The following CASK variants were observed in gnomAD, a reference collection of about 807,000 sequenced individuals.
CASK encodes the protein peripheral plasma membrane protein CASK.
Under a neutral mutation model 82.9 loss-of-function variants are expected in CASK, and 4 were observed. That is an observed-to-expected ratio of 0.05 (90% CI 0.02 to 0.11). CASK has a LOEUF of 0.11. Among genes scored for constraint, CASK ranks in the 10% least tolerant of loss-of-function variants. CASK has a pLI of 1.00. For missense variants in CASK, 358 were observed against 720.9 expected (o/e 0.50, Z 5.76); for synonymous variants, 259 against 253.5 (o/e 1.02, Z -0.20).
intron 3 of CASK, among the ~76,000 whole-genome samples, chrX:41,768,920 T>C (rs2069163461): frequency 8.9e-6 from 1 of 112,326 alleles, no homozygotes; most frequent in South Asian, 3.6e-4. Context: ...GTAAATTTAC[T>C]TTTAAAATAT....
intron 2 of CASK, among the ~76,000 whole-genome samples, chrX:41,807,993 T>C (rs2070165133): frequency 1.8e-5 from 2 of 111,446 alleles, no homozygotes. Flanking sequence ...GTAGCTGGGA[T>C]TACAGGTGTC....
At chrX:41,725,306 C>A (rs2068241099) in intron 5 of CASK, among the ~76,000 whole-genome samples, 1 of 111,241 alleles carries the variant, frequency 9.0e-6, no homozygotes, top group Non-Finnish European at 1.9e-5. Context: ...AAAAAAACCC[C>A]AATTTCTGTA....
chrX:41,645,932 A>C (rs1186025898), intron 8 of CASK, among the ~76,000 whole-genome samples: 2 of 108,829 alleles, frequency 1.8e-5, no homozygotes, highest in African/African-American at 3.4e-5. Flanking sequence ...CTCCTGCAGA[A>C]ATCTACACTA....
At chrX:41,589,923 C>T in intron 12 of CASK, 1 of 228,484 alleles carries the variant, frequency 4.4e-6, no homozygotes, top group Non-Finnish European at 8.0e-6. Context: ...AGCATGAATA[C>T]AGAGTAAAAT....
chrX:41,806,241 A>G lies in CASK; in HGVS notation c.173-18958T>C, dbSNP rs1471646755. On this transcript the variant is annotated intron_variant, in intron 2 of 26. Coordinates refer to ENST00000378163, the MANE Select transcript of CASK (RefSeq NM_001367721.1). ...CTAAAATTAATAGCAAGTATTTAGA[A>G]ATAGCATACATTCATATGATGTACT... Among the ~76,000 whole-genome samples, 7 of 112,127 alleles carry G rather than the reference A, an allele frequency of 6.2e-5. No homozygotes were observed. In the East Asian group the frequency reaches 1.9e-3, roughly 31 times the overall value.
intron 17 of CASK, among the ~76,000 whole-genome samples, chrX:41,561,299 G>T (rs2065225225): frequency 9.1e-6 from 1 of 110,468 alleles, no homozygotes; most frequent in Non-Finnish European, 1.9e-5. Context: ...TCATCTGCTT[G>T]GTAAGAAACA....
At chrX:41,718,136 G>A (rs1324987749) in intron 5 of CASK, among the ~76,000 whole-genome samples, 1 of 112,780 alleles carries the variant, frequency 8.9e-6, no homozygotes, top group Non-Finnish European at 1.9e-5. Context: ...AAAATGACAG[G>A]GTTCAAGGAG....
chrX:41,885,461 AAAC>A (rs1408150760), intron 1 of CASK, among the ~76,000 whole-genome samples: 1 of 112,197 alleles, frequency 8.9e-6, no homozygotes, highest in Non-Finnish European at 1.9e-5. Flanking sequence ...TTTTCACAAA[AAAC>A]CTGTTTTTTT....
intron 9 of CASK, among the ~76,000 whole-genome samples, chrX:41,632,338 G>A (rs1209369018): frequency 9.0e-6 from 1 of 111,363 alleles, no homozygotes; most frequent in Admixed American, 9.6e-5. Flanking sequence ...AAAGAAAATT[G>A]CCAAAAAATA....
chrX:41,789,881 C>A (rs1234603728), intron 2 of CASK, among the ~76,000 whole-genome samples: 2 of 111,440 alleles, frequency 1.8e-5, no homozygotes, highest in Non-Finnish European at 3.8e-5. Flanking sequence ...CTGATATTTT[C>A]TCTTTATTTT....
intron 1 of CASK, among the ~76,000 whole-genome samples, chrX:41,901,906 T>G (rs2072389144): frequency 8.9e-6 from 1 of 111,835 alleles, no homozygotes; most frequent in South Asian, 3.8e-4. Flanking sequence ...GCCTGGCACC[T>G]GGATTCAAGG....
At position 41,643,552 on chromosome X, in the gene CASK, A is replaced by G. The variant is rs773671011; in HGVS notation, c.832-6891T>C. ...TTGAAGCAATTGTGAATGGGAGTTC[A>G]CTCATGATTTGGCTCTCTATTTGTC... On this transcript the variant is annotated intron_variant, in intron 8 of 26. Transcript: ENST00000378163. Among the ~76,000 whole-genome samples, 676 of 111,329 alleles carry G rather than the reference A, an allele frequency of 6.1e-3. 4 individuals are homozygous for G. The highest frequency in any genetic ancestry group is 0.021 in the South Asian group (55 of 2,655).
chrX:41,756,787 T>A (rs2068904923), intron 3 of CASK, among the ~76,000 whole-genome samples: 1 of 112,238 alleles, frequency 8.9e-6, no homozygotes, highest in Non-Finnish European at 1.9e-5. Context: ...GTTAAGTAAC[T>A]TGACCAAGAG....
intron 25 of CASK, among the ~76,000 whole-genome samples, chrX:41,529,868 C>T (rs1479278278): frequency 9.0e-6 from 1 of 111,731 alleles, no homozygotes; most frequent in African/African-American, 3.3e-5. Flanking sequence ...AACCCACTGG[C>T]CACGAATTAG....
intron 5 of CASK, among the ~76,000 whole-genome samples, chrX:41,703,811 A>G (rs1356977024): frequency 8.9e-6 from 1 of 112,408 alleles, no homozygotes; most frequent in Non-Finnish European, 1.9e-5. Flanking sequence ...TGCCCATCTC[A>G]CTACAAGGCA....
At chrX:41,530,017 A>C (rs777594798) in intron 25 of CASK, among the ~76,000 whole-genome samples, 1 of 111,858 alleles carries the variant, frequency 8.9e-6, no homozygotes, top group African/African-American at 3.3e-5. Context: ...GCCCTGCCTA[A>C]GATAGCCAGG....
chrX:41,693,326 A>G (rs2067612404), intron 5 of CASK, among the ~76,000 whole-genome samples: 1 of 111,640 alleles, frequency 9.0e-6, no homozygotes, highest in Non-Finnish European at 1.9e-5. Flanking sequence ...AGAATCTTAG[A>G]TCACAGGTTG....
chrX:41,580,647 A>G (rs1458181336), intron 14 of CASK, among the ~76,000 whole-genome samples: 1 of 112,054 alleles, frequency 8.9e-6, no homozygotes, highest in African/African-American at 3.2e-5. Context: ...AATGATTGCT[A>G]CCACAAAACG....
intron 3 of CASK, among the ~76,000 whole-genome samples, chrX:41,780,791 G>C (rs1569446470): frequency 3.6e-5 from 4 of 110,970 alleles, no homozygotes. Context: ...TGGGATTACA[G>C]GTGTGTGCCA....
Sources: allele counts gnomAD v4.1 joint callset (sites outside exome capture counted in the v4.1 genomes callset), GRCh38; gene constraint gnomAD v4.1.1; transcripts MANE v1.5; gene names NCBI Gene and HGNC (gene_info 2026-07-23, HGNC 2026-07-21).